Variants in MAGI1 observed in about 807,000 individuals in gnomAD.
MAGI1 encodes the protein membrane associated guanylate kinase, WW and PDZ domain containing 1, also known as membrane-associated guanylate kinase, WW and PDZ domain-containing protein 1.
A neutral mutation model predicts 139.9 loss-of-function variants in MAGI1; 58 were observed. The ratio of observed to expected loss-of-function variants is 0.41; its 90% confidence interval spans 0.34 to 0.52. The LOEUF (loss-of-function observed/expected upper bound fraction) is 0.52. Ranked by LOEUF, MAGI1 falls within the 20% of genes least tolerant of loss-of-function variation. MAGI1 has a pLI of 0.12. For missense variants in MAGI1, 1,874 were observed against 1,901.6 expected (o/e 0.99, Z 0.27); for synonymous variants, 812 against 737.9 (o/e 1.10, Z -1.63).
At chr3:65,652,341 C>T (rs965154919) in intron 1 of MAGI1, among the ~76,000 whole-genome samples, 2 of 152,132 alleles carry the variant, frequency 1.3e-5, no homozygotes, top group Non-Finnish European at 2.9e-5. Context: ...TAAATTATCA[C>T]TTTAAATCAG....
chr3:65,812,641 A>C (rs1429047586), intron 1 of MAGI1, among the ~76,000 whole-genome samples: 1 of 151,686 alleles, frequency 6.6e-6, no homozygotes, highest in Non-Finnish European at 1.5e-5. Flanking sequence ...CTATGTTCCA[A>C]AGAAATGCTA....
At chr3:65,404,977 A>G (rs1384463652) in intron 12 of MAGI1, among the ~76,000 whole-genome samples, 1 of 152,208 alleles carries the variant, frequency 6.6e-6, no homozygotes, top group Non-Finnish European at 1.5e-5. Flanking sequence ...TATAAGGCAT[A>G]CGGCACCTGT....
intron 1 of MAGI1, among the ~76,000 whole-genome samples, chr3:65,788,278 C>G (rs1002097210): frequency 2.0e-5 from 3 of 152,220 alleles, no homozygotes; most frequent in Non-Finnish European, 4.4e-5. Flanking sequence ...ATCCCACACG[C>G]TTTCTCATCC....
intron 1 of MAGI1, among the ~76,000 whole-genome samples, chr3:65,783,919 T>C (rs868564118): frequency 2.0e-5 from 3 of 151,536 alleles, no homozygotes; most frequent in South Asian, 4.2e-4. Context: ...GGTCAGGAGT[T>C]CGAGACCAGC....
chr3:65,653,060 C>T (rs1212888585), intron 1 of MAGI1, among the ~76,000 whole-genome samples: 3 of 152,174 alleles, frequency 2.0e-5, no homozygotes, highest in Non-Finnish European at 2.9e-5. Context: ...TCAGAATAAT[C>T]TCAATGAGAT....
intron 2 of MAGI1, among the ~76,000 whole-genome samples, chr3:65,511,163 A>C (rs1245598358): frequency 6.7e-6 from 1 of 150,352 alleles, no homozygotes; most frequent in Non-Finnish European, 1.5e-5. Flanking sequence ...AGCGCTAAAC[A>C]TGGAAAGGAA....
At chr3:65,550,219 G>T (rs1248875139) in intron 2 of MAGI1, among the ~76,000 whole-genome samples, 1 of 152,132 alleles carries the variant, frequency 6.6e-6, no homozygotes, top group Non-Finnish European at 1.5e-5. Flanking sequence ...CCCAGGAGGG[G>T]GTTAAGTATT....
intron 1 of MAGI1, among the ~76,000 whole-genome samples, chr3:65,798,914 A>G (rs932252027): frequency 6.6e-6 from 1 of 152,060 alleles, no homozygotes; most frequent in African/African-American, 2.4e-5. Flanking sequence ...TACCCTCACC[A>G]CCCATTAATC....
intron 1 of MAGI1, among the ~76,000 whole-genome samples, chr3:65,814,777 C>A (rs2041496857): frequency 6.6e-6 from 1 of 152,124 alleles, no homozygotes; most frequent in South Asian, 2.1e-4. Flanking sequence ...TAAGAAATGA[C>A]AATAATTCAG....
chr3:65,394,641 T>A (rs1944238006), intron 13 of MAGI1, among the ~76,000 whole-genome samples: 1 of 151,742 alleles, frequency 6.6e-6, no homozygotes, highest in African/African-American at 2.4e-5. Context: ...CACTCTGGAT[T>A]TTTTAAAACT....
At chr3:65,361,491 G>C (rs534894125) in intron 21 of MAGI1, among the ~76,000 whole-genome samples, 154 bp from the exon 22 acceptor site, 1 of 152,274 alleles carries the variant, frequency 6.6e-6, no homozygotes, top group Admixed American at 6.5e-5. Flanking sequence ...ATATTCTAAA[G>C]AGGGAAAGAC....
chr3:65,852,985 A>AC (rs1487723968), intron 1 of MAGI1, among the ~76,000 whole-genome samples: 4 of 137,638 alleles, frequency 2.9e-5, no homozygotes, highest in Non-Finnish European at 5.9e-5. Context: ...AATACAAAAA[A>AC]AAAAAAAAAA....
intron 1 of MAGI1, among the ~76,000 whole-genome samples, chr3:65,810,134 A>G (rs2108189021): frequency 6.6e-6 from 1 of 152,364 alleles, no homozygotes; most frequent in Middle Eastern, 3.4e-3. Flanking sequence ...AGTGCTATCA[A>G]AATCTTTACC....
intron 1 of MAGI1, among the ~76,000 whole-genome samples, chr3:65,742,700 T>C: frequency 6.6e-6 from 1 of 152,204 alleles, no homozygotes; most frequent in Non-Finnish European, 1.5e-5. Flanking sequence ...TCTCAACCTT[T>C]TACTGAATTC....
intron 1 of MAGI1, among the ~76,000 whole-genome samples, chr3:65,790,057 T>C (rs1055105424): frequency 2.0e-5 from 3 of 152,148 alleles, no homozygotes; most frequent in South Asian, 4.1e-4. Flanking sequence ...CAGACCTAAC[T>C]AAAGATGTCT....
At chr3:65,959,892 A>G (rs993870323) in intron 1 of MAGI1, among the ~76,000 whole-genome samples, 2 of 123,878 alleles carry the variant, frequency 1.6e-5, no homozygotes, top group Admixed American at 2.3e-4. Context: ...TGCAAGCTCC[A>G]CCTCCCGGGT....
chr3:65,523,592 T>C (rs1348065245), intron 2 of MAGI1, among the ~76,000 whole-genome samples: 1 of 152,186 alleles, frequency 6.6e-6, no homozygotes, highest in African/African-American at 2.4e-5. Context: ...ATGCATCCTG[T>C]TCCATGGAGT....
chr3:65,688,036 C>G (rs1391857962), intron 1 of MAGI1: 1 of 806,782 alleles, frequency 1.2e-6, no homozygotes, highest in South Asian at 1.3e-5. Context: ...ACCCTGGATC[C>G]TAGGCCTACT....
In MAGI1 at chr3:66,038,487, A is replaced by G; in HGVS notation, c.-179T>C. ...CGCTCGCGCACTCAAGCCATCATAA[A>G]ACAAACTTTCTGGGCTTCCCCGCGA... On this transcript the variant is annotated 5_prime_UTR_variant, in exon 1 of 23. Transcript: ENST00000402939. The G allele has an allele frequency of 1.1e-6, 1 of 886,880 alleles. No individual in the cohort carries two copies. The allele number at this position is 886,880 out of a possible 1,614,324, so 54.9% of individuals were successfully genotyped here. A position where few individuals can be genotyped will look rare whatever the true frequency, so the allele number is the denominator to read the frequency against.
Sources: gnomAD v4.1 joint callset for allele counts (sites outside exome capture counted in the v4.1 genomes callset) on GRCh38, gnomAD v4.1.1 for gene constraint, MANE v1.5 for transcripts, NCBI Gene and HGNC (gene_info 2026-07-23, HGNC 2026-07-21) for gene names.